MAGI1: variants seen among roughly 807,000 people sequenced by gnomAD.
MAGI1 encodes membrane-associated guanylate kinase, WW and PDZ domain-containing protein 1.
Under a neutral mutation model 139.9 loss-of-function variants are expected in MAGI1, and 58 were observed. That is an observed-to-expected ratio of 0.41 (90% CI 0.34 to 0.52). MAGI1 has a LOEUF of 0.52. MAGI1 is among the 20% of genes least tolerant of loss of function. The pLI, the probability that MAGI1 is intolerant of heterozygous loss-of-function variation, is 0.12. For synonymous variants in MAGI1, 812 were observed against 737.9 expected, an observed-to-expected ratio of 1.10 and a Z score of -1.63; for missense variants, 1,874 against 1,901.6, an observed-to-expected ratio of 0.99 and a Z score of 0.27.
At chr3:65,566,526 T>C (rs530983081) in intron 2 of MAGI1, among the ~76,000 whole-genome samples, 1 of 152,170 alleles carries the variant, frequency 6.6e-6, no homozygotes, top group South Asian at 2.1e-4. Context: ...CTCCCACTAA[T>C]AACCCAGGGA....
At chr3:65,962,122 ATTTT>A (rs567359350) in intron 1 of MAGI1, among the ~76,000 whole-genome samples, 1,565 of 122,466 alleles carry the variant, frequency 0.013, 33 homozygotes, top group African/African-American at 0.045. Context: ...ATCTGATTGT[ATTTT>A]TTTTTTTTTT....
At chr3:65,988,841 C>A (rs2107340221) in intron 1 of MAGI1, among the ~76,000 whole-genome samples, 1 of 152,332 alleles carries the variant, frequency 6.6e-6, no homozygotes, top group East Asian at 1.9e-4. Flanking sequence ...TCACCACCCC[C>A]ACCCACTGAC....
At chr3:65,469,586 T>C (rs1283231621) in intron 5 of MAGI1, among the ~76,000 whole-genome samples, 2 of 151,918 alleles carry the variant, frequency 1.3e-5, no homozygotes, top group African/African-American at 4.8e-5. Context: ...CCTTGCACCA[T>C]GGAAAAATAT....
chr3:66,007,293 C>T (rs932927317), intron 1 of MAGI1, among the ~76,000 whole-genome samples: 1 of 152,194 alleles, frequency 6.6e-6, no homozygotes, highest in Non-Finnish European at 1.5e-5. Flanking sequence ...TCCTTTAAGC[C>T]CCACGGCGAT....
At chr3:66,006,637 T>C (rs1030493006) in intron 1 of MAGI1, among the ~76,000 whole-genome samples, 1 of 152,156 alleles carries the variant, frequency 6.6e-6, no homozygotes, top group Non-Finnish European at 1.5e-5. Flanking sequence ...ACCAGAACTT[T>C]AAGGAGGTTT....
At chr3:65,671,228 T>C (rs1559772453) in intron 1 of MAGI1, among the ~76,000 whole-genome samples, 1 of 152,206 alleles carries the variant, frequency 6.6e-6, no homozygotes, top group Non-Finnish European at 1.5e-5. Context: ...GATTTGGCAC[T>C]CTAGAGCCAA....
At chr3:65,799,606 T>C (rs1273156236) in intron 1 of MAGI1, among the ~76,000 whole-genome samples, 1 of 152,194 alleles carries the variant, frequency 6.6e-6, no homozygotes, top group African/African-American at 2.4e-5. Context: ...GAGCAAAGTA[T>C]ACTATAGAAT....
At chr3:65,878,797 G>T (rs527823339) in intron 1 of MAGI1, among the ~76,000 whole-genome samples, 5 of 152,242 alleles carry the variant, frequency 3.3e-5, no homozygotes, top group African/African-American at 1.2e-4. Flanking sequence ...CAGCTCAAAG[G>T]AAGGCTGCCT....
chr3:65,623,252 GGTTGTT>G (rs55663245), intron 1 of MAGI1, among the ~76,000 whole-genome samples: 8 of 151,632 alleles, frequency 5.3e-5, no homozygotes, highest in Admixed American at 3.3e-4. Context: ...GTTGCTTTTT[GGTTGTT>G]GTTGTTGTTG....
chr3:65,527,290 T>C (rs2078430121), intron 2 of MAGI1, among the ~76,000 whole-genome samples: 1 of 152,194 alleles, frequency 6.6e-6, no homozygotes, highest in Non-Finnish European at 1.5e-5. Context: ...GAGTTAATTA[T>C]ATTTCAGGGC....
At chr3:65,939,480 C>A (rs1484189597) in intron 1 of MAGI1, among the ~76,000 whole-genome samples, 2 of 152,186 alleles carry the variant, frequency 1.3e-5, no homozygotes, top group Non-Finnish European at 2.9e-5. Flanking sequence ...CATAAACAAA[C>A]TGAATGAGGA....
chr3:65,849,644 A>T (rs778804013), intron 1 of MAGI1, among the ~76,000 whole-genome samples: 11 of 152,050 alleles, frequency 7.2e-5, no homozygotes, highest in Admixed American at 2.0e-4. Flanking sequence ...AGCTGGTTGT[A>T]ACAACTAAAT....
chr3:65,493,481 A>G, intron 3 of MAGI1, 31 bp downstream of exon 3: 2 of 1,613,990 alleles, frequency 1.2e-6, no homozygotes, highest in East Asian at 4.5e-5. Flanking sequence ...CCAGGAGAGA[A>G]GCTTTTTATG....
intron 1 of MAGI1, among the ~76,000 whole-genome samples, chr3:65,978,621 C>CTTTTTTTTTTTTTTTTTTTTTTTTT (rs373662388): frequency 7.7e-6 from 1 of 129,172 alleles, no homozygotes; most frequent in Non-Finnish European, 1.6e-5. Context: ...CTCAAAATTT[C>CTTTTTTTTTTTTTTTTTTTTTTTTT]TTTTTTTTTT....
chr3:65,683,013 C>G (rs911956599), intron 1 of MAGI1, among the ~76,000 whole-genome samples: 7 of 152,036 alleles, frequency 4.6e-5, no homozygotes, highest in African/African-American at 9.7e-5. Flanking sequence ...AGATCCCCCA[C>G]ATGCACAGTT....
rs13316246 is a variant in MAGI1, at chr3:65,857,837, T to C, written c.313+180159A>G. ...GTTTCGTGGGGACACAGTGAAAACA[T>C]CCCTTAGACATTTAAAAAGAGGTAG... On this transcript the variant is annotated intron_variant, in intron 1 of 22. Transcript: ENST00000402939. Among the ~76,000 whole-genome samples the C allele has an allele frequency of 6.6e-3, 1,010 of 152,188 alleles. 12 individuals are homozygous for C. The highest frequency in any genetic ancestry group is 0.022 in the African/African-American group (925 of 41,516).
At chr3:65,489,648 T>C (rs1462819066) in intron 3 of MAGI1, among the ~76,000 whole-genome samples, 2 of 152,178 alleles carry the variant, frequency 1.3e-5, no homozygotes, top group Non-Finnish European at 2.9e-5. Flanking sequence ...CTATGCAGCA[T>C]TTATAAAGAA....
chr3:65,996,986 A>G (rs1177241129), intron 1 of MAGI1, among the ~76,000 whole-genome samples: 2 of 152,240 alleles, frequency 1.3e-5, no homozygotes, highest in African/African-American at 2.4e-5. Flanking sequence ...CTCACAGCTG[A>G]AAAGGAACCA....
At chr3:65,615,765 T>C (rs908685256) in intron 2 of MAGI1, among the ~76,000 whole-genome samples, 2 of 152,226 alleles carry the variant, frequency 1.3e-5, no homozygotes, top group African/African-American at 4.8e-5. Flanking sequence ...TATTGTTATC[T>C]AATCCCATGA....
Sources: allele counts gnomAD v4.1 joint callset (sites outside exome capture counted in the v4.1 genomes callset), GRCh38; gene constraint gnomAD v4.1.1; transcripts MANE v1.5; gene names NCBI Gene and HGNC (gene_info 2026-07-23, HGNC 2026-07-21).